The following ARSF variants were observed in gnomAD, a reference collection of about 807,000 sequenced individuals.
ARSF encodes the protein arylsulfatase F.
In ARSF, 33 loss-of-function variants were observed where a neutral mutation model predicts 35.4. The ratio of observed to expected loss-of-function variants is 0.93; its 90% CI spans 0.71 to 1.25. The LOEUF is 1.25. Among genes scored for constraint, ARSF ranks in the 50% most tolerant of loss-of-function variants. The probability of loss-of-function intolerance (pLI) is 0.00; values close to 1 mark genes in which losing one functional copy is unlikely to be tolerated. For synonymous variants in ARSF, 222 were observed against 193.1 expected (o/e 1.15, Z -1.24); for missense variants, 501 against 480.2 (o/e 1.04, Z -0.40).
chrX:3,109,002 G>A (rs951591815), intron 9 of ARSF, among the ~76,000 whole-genome samples: 1 of 110,863 alleles, frequency 9.0e-6, no homozygotes, highest in African/African-American at 3.3e-5. Flanking sequence ...GGCAACAAGA[G>A]CAAAACTCTG....
intron 8 of ARSF, among the ~76,000 whole-genome samples, chrX:3,102,908 C>T (rs1419997309): frequency 9.5e-6 from 1 of 105,437 alleles, no homozygotes; most frequent in African/African-American, 3.7e-5. Context: ...GAGACTCCAT[C>T]TCAAAAAAAA....
intron 6 of ARSF, among the ~76,000 whole-genome samples, chrX:3,084,897 A>G (rs1396293245): frequency 9.8e-5 from 11 of 112,156 alleles, no homozygotes; most frequent in Admixed American, 2.9e-4. Flanking sequence ...ATAATTCTTT[A>G]CAAATTATAT....
rs150656699 is a variant in ARSF, at chrX:3,063,125, C to A, written c.-28-4948C>A. The stretch of plus-strand genomic sequence containing the variant: ...TCCATCATGGTCAAGTTGGCTTCAT[C>A]CCTGGGATGCAAGGCTGGTTCAACA... On this transcript the variant is annotated intron_variant, in intron 1 of 10. Transcript: ENST00000381127. 7.3e-3 allele frequency among the ~76,000 whole-genome samples: 816 copies of A among 111,857 alleles called. 3 individuals carry two copies. Among genetic ancestry groups the A allele is most frequent in the Non-Finnish European group, 0.01 (558 of 53,182 alleles).
At chrX:3,098,032 T>A (rs867102444) in intron 7 of ARSF, among the ~76,000 whole-genome samples, 1 of 76,598 alleles carries the variant, frequency 1.3e-5, no homozygotes, top group Non-Finnish European at 2.4e-5. Context: ...TATATATATA[T>A]ACACATACAC....
intron 9 of ARSF, among the ~76,000 whole-genome samples, chrX:3,109,079 A>G (rs5939451): frequency 0.11 from 12,109 of 110,582 alleles, 626 homozygotes; most frequent in African/African-American, 0.19. Context: ...CAGCACTTTG[A>G]GAGGCCGAGG....
intron 7 of ARSF, among the ~76,000 whole-genome samples, chrX:3,093,079 T>G (rs1200804308): frequency 8.2e-5 from 9 of 110,272 alleles, no homozygotes; most frequent in African/African-American, 3.0e-4. Flanking sequence ...GGCAGGAGAA[T>G]GGCGTGAACC....
chrX:3,109,650 C>A (rs1462381191), intron 9 of ARSF, among the ~76,000 whole-genome samples: 1 of 111,067 alleles, frequency 9.0e-6, no homozygotes, highest in Non-Finnish European at 1.9e-5. Context: ...TTCATGTGTA[C>A]CCAGTGTTTA....
chrX:3,048,650 A>G (rs2089984797), intron 1 of ARSF, among the ~76,000 whole-genome samples: 1 of 112,234 alleles, frequency 8.9e-6, no homozygotes, highest in Admixed American at 9.5e-5. Context: ...CCTAAAATAT[A>G]TAAAAGCAAG....
At chrX:3,080,006 A>C (rs868711910) in intron 4 of ARSF, among the ~76,000 whole-genome samples, 1 of 101,071 alleles carries the variant, frequency 9.9e-6, no homozygotes, top group African/African-American at 3.6e-5. Context: ...AGAGAGAGAA[A>C]AAAAAAAAAG....
At chrX:3,050,406 C>T (rs1339749887) in intron 1 of ARSF, among the ~76,000 whole-genome samples, 9 of 109,119 alleles carry the variant, frequency 8.2e-5, no homozygotes, top group Non-Finnish European at 1.5e-4. Flanking sequence ...ATTTGCTGGG[C>T]GTCGTGGCAC....
intron 7 of ARSF, among the ~76,000 whole-genome samples, chrX:3,096,350 T>C (rs1234352801): frequency 1.8e-5 from 2 of 110,935 alleles, no homozygotes; most frequent in Non-Finnish European, 3.8e-5. Context: ...AGTAAATGAG[T>C]ATCTCGAAGC....
intron 7 of ARSF, among the ~76,000 whole-genome samples, chrX:3,093,839 A>C (rs5939441): frequency 0.15 from 16,389 of 111,487 alleles, 926 homozygotes; most frequent in Middle Eastern, 0.22. Context: ...GGCTGAGCCA[A>C]TTTATATTCC....
rs201866054 is a variant in ARSF, at chrX:3,103,889, C to T, written c.1230C>T (p.Val410=). 94 of 1,209,428 alleles carry T rather than the reference C, an allele frequency of 7.8e-5. No homozygotes were observed. The highest frequency in any genetic ancestry group is 1.0e-4 in the Non-Finnish European group (91 of 895,064). ...PTSLMDILPT[V]ASVSGGSLPQ... ...GTTTAATGGATATTTTACCAACTGT[C>T]GCATCAGTGTCAGGAGGAAGTCTCC... The change falls in exon 9 of 11, where the codon GTC becomes GTT. Residue 410 remains valine (V), a synonymous_variant. Coordinates refer to ENST00000381127, the MANE Select transcript of ARSF (RefSeq NM_001201539.2).
intron 7 of ARSF, among the ~76,000 whole-genome samples, chrX:3,098,980 A>C (rs184527915): frequency 8.2e-5 from 9 of 110,016 alleles, no homozygotes; most frequent in Admixed American, 7.8e-4. Context: ...CATCTTTCCC[A>C]ATTGTTAGCA....
At chrX:3,096,490 G>C (rs1038367272) in intron 7 of ARSF, among the ~76,000 whole-genome samples, 1 of 111,263 alleles carries the variant, frequency 9.0e-6, no homozygotes, top group Non-Finnish European at 1.9e-5. Context: ...TCTCTGGGGA[G>C]TGGTCATTAT....
rs1158376018 is a variant in ARSF, at chrX:3,110,128, G to T, written c.1266G>T (p.Arg422Ser). 8.5e-7 allele frequency: 1 copy of T among 1,177,263 alleles called. No individual in the cohort carries two copies. Among genetic ancestry groups the T allele is most frequent in the Non-Finnish European group, 1.1e-6 (1 of 878,260 alleles). ...ATCTGCACTGTCTGTGTCTCTGCAG[G>T]GTCATTGACGGCCGAGACCTCATGC... ...SVSGGSLPQD[R>S]VIDGRDLMPL... Residue 422 changes from arginine to serine, a missense_variant and splice_region_variant, in exon 10 of 11, where the codon AGG (arginine) becomes AGT (serine). Coordinates refer to ENST00000381127, the MANE Select transcript of ARSF (RefSeq NM_001201539.2).
Position 3,092,886 on chromosome X carries a change from T to C in ARSF, c.967+3254T>C, listed in dbSNP as rs748143437. On this transcript the variant is annotated intron_variant, in intron 7 of 10. Coordinates refer to ENST00000381127, the MANE Select transcript of ARSF (RefSeq NM_001201539.2). Reference sequence around the variant, plus strand: ...ACCTTCCTGCCTTTTATAATTATCATAGGTGGCCGGGCGCGGTGGCTCACG... The same window carrying C: ...ACCTTCCTGCCTTTTATAATTATCACAGGTGGCCGGGCGCGGTGGCTCACG... Among the ~76,000 whole-genome samples the C allele has an allele frequency of 2.7e-5, 3 of 112,356 alleles. No individual in the cohort carries two copies. The Admixed American group carries it at 2.8e-4, about 11-fold the overall frequency.
At chrX:3,092,935 G>A (rs748830050) in intron 7 of ARSF, among the ~76,000 whole-genome samples, 75 of 112,078 alleles carry the variant, frequency 6.7e-4, no homozygotes, top group Admixed American at 2.4e-3. Context: ...CACTTTGGGA[G>A]GCCAAGGCGG....
chrX:3,092,588 G>A (rs1219123268), intron 7 of ARSF, among the ~76,000 whole-genome samples: 2 of 111,861 alleles, frequency 1.8e-5, no homozygotes, highest in Non-Finnish European at 3.8e-5. Flanking sequence ...TGGACAAGCT[G>A]TGATATCTGA....
Sources: gnomAD v4.1 joint callset for allele counts (sites outside exome capture counted in the v4.1 genomes callset) on GRCh38, gnomAD v4.1.1 for gene constraint, MANE v1.5 for transcripts, NCBI Gene and HGNC (gene_info 2026-07-23, HGNC 2026-07-21) for gene names.